Variants in TRPM3 observed in about 807,000 individuals in gnomAD.
TRPM3 encodes long transient receptor potential channel 3.
TRPM3 carries 77 observed loss-of-function variants against 181.2 expected under a neutral mutation model. The ratio of observed to expected loss-of-function variants is 0.42; its 90% CI spans 0.35 to 0.51. TRPM3 has a LOEUF of 0.51. Ranked by LOEUF, TRPM3 falls within the 20% of genes least tolerant of loss-of-function variation. The pLI, the probability that TRPM3 is intolerant of heterozygous loss-of-function variation, is 0.01. For synonymous variants in TRPM3, 745 were observed against 796.4 expected (o/e 0.94, Z 1.09); for missense variants, 1,759 against 2,196.7 (o/e 0.80, Z 3.98).
chr9:71,290,744 C>T (rs1565428764), intron 1 of TRPM3, among the ~76,000 whole-genome samples: 1 of 152,070 alleles, frequency 6.6e-6, no homozygotes. Flanking sequence ...GAAAGTAATT[C>T]ACGTCAAATC....
intron 1 of TRPM3, among the ~76,000 whole-genome samples, chr9:70,965,927 A>G (rs1381839025): frequency 2.0e-5 from 3 of 152,004 alleles, no homozygotes; most frequent in Non-Finnish European, 4.4e-5. Flanking sequence ...TATACGGTAA[A>G]CAAAACTATC....
At chr9:70,831,985 A>ATATATATTTATATATATATATATATT (rs1564497569) in intron 5 of TRPM3, among the ~76,000 whole-genome samples, 3 of 128,656 alleles carry the variant, frequency 2.3e-5, no homozygotes, top group Non-Finnish European at 3.3e-5. Context: ...ATATATATAT[A>ATATATATTTATATATATATATATATT]TATATATATA....
chr9:71,192,420 T>C (rs1397149225), intron 1 of TRPM3, among the ~76,000 whole-genome samples: 1 of 151,880 alleles, frequency 6.6e-6, no homozygotes, highest in Admixed American at 6.6e-5. Context: ...GAGAATTGTA[T>C]GTTATCTTTT....
Position 71,040,671 on chromosome 9 carries a change from A to G in TRPM3, c.177+80507T>C, listed in dbSNP as rs538000990. 1.3e-4 allele frequency among the ~76,000 whole-genome samples: 20 copies of G among 152,330 alleles called. No individual in the cohort carries two copies. The South Asian group carries it at 3.7e-3, about 28-fold the overall frequency. On this transcript the variant is annotated intron_variant, in intron 1 of 25. Transcript: ENST00000677713. ...TTTACATCATTGCAAAATAAAGCAG[A>G]GAAGAACAGAAGACAAATCTAGCAA... is the stretch of plus-strand genomic sequence containing the variant.
chr9:71,202,638 T>G (rs2078879900), intron 1 of TRPM3, among the ~76,000 whole-genome samples: 1 of 152,176 alleles, frequency 6.6e-6, no homozygotes, highest in Admixed American at 6.5e-5. Context: ...ACTCGGACAG[T>G]GCAGGGTGGT....
intron 1 of TRPM3, among the ~76,000 whole-genome samples, chr9:71,253,725 C>A (rs1261246587): frequency 1.3e-5 from 2 of 152,046 alleles, no homozygotes; most frequent in Non-Finnish European, 2.9e-5. Context: ...GAAATGAAAT[C>A]AGTATGTCAA....
At chr9:70,539,299 T>C (rs1005506153) in intron 25 of TRPM3, among the ~76,000 whole-genome samples, 1 of 152,040 alleles carries the variant, frequency 6.6e-6, no homozygotes, top group Admixed American at 6.6e-5. Context: ...GGGAGACCTA[T>C]AGACTTCTTA....
rs1178990853 is a variant in TRPM3, at chr9:70,820,172, G to C, written c.973+7675C>G. Among the ~76,000 whole-genome samples the C allele has an allele frequency of 6.6e-5, 10 of 152,100 alleles. No individual in the cohort carries two copies. The East Asian group carries it at 1.5e-3, about 23-fold the overall frequency. ...TTATTCTCTGTTTACTGAGGCAGGAGGGACAACTACAGTTTAGAATATATT... is the reference window on the plus strand; with the variant it reads ...TTATTCTCTGTTTACTGAGGCAGGACGGACAACTACAGTTTAGAATATATT... On this transcript the variant is annotated intron_variant, in intron 6 of 25. Coordinates refer to ENST00000677713, the MANE Select transcript of TRPM3 (RefSeq NM_001366145.2).
intron 1 of TRPM3, among the ~76,000 whole-genome samples, chr9:70,883,931 A>G (rs968088288): frequency 2.6e-5 from 4 of 152,222 alleles, no homozygotes; most frequent in African/African-American, 4.8e-5. Flanking sequence ...AGACAAGTAC[A>G]GAGGCTGAAA....
At chr9:70,962,886 C>T (rs560258948) in intron 1 of TRPM3, among the ~76,000 whole-genome samples, 3 of 152,146 alleles carry the variant, frequency 2.0e-5, no homozygotes, top group South Asian at 2.1e-4. Flanking sequence ...GAGTGCTCAG[C>T]GGAATGTCTG....
intron 1 of TRPM3, among the ~76,000 whole-genome samples, chr9:71,238,140 T>C (rs932007692): frequency 3.9e-5 from 6 of 152,190 alleles, no homozygotes; most frequent in Non-Finnish European, 8.8e-5. Context: ...AAAAGTAGTT[T>C]TTTTTCTATG....
chr9:71,378,413 T>A (rs112026567), intron 1 of TRPM3, among the ~76,000 whole-genome samples: 1 of 152,108 alleles, frequency 6.6e-6, no homozygotes, highest in South Asian at 2.1e-4. Context: ...AAAATGTTCA[T>A]TGCAGCTTCA....
intron 7 of TRPM3, among the ~76,000 whole-genome samples, chr9:70,776,761 C>A (rs1173874265): frequency 6.6e-6 from 1 of 152,158 alleles, no homozygotes; most frequent in African/African-American, 2.4e-5. Context: ...GCAGAAGGTA[C>A]AGAGGGCTTG....
chr9:71,418,898 ATGTG>A (rs200431732), intron 1 of TRPM3, among the ~76,000 whole-genome samples: 2 of 117,424 alleles, frequency 1.7e-5, no homozygotes, highest in Non-Finnish European at 4.0e-5. Context: ...ACACATATAT[ATGTG>A]TGTGTGTATA....
intron 1 of TRPM3, among the ~76,000 whole-genome samples, chr9:71,347,123 A>G (rs1302467728): frequency 2.0e-5 from 3 of 152,150 alleles, no homozygotes; most frequent in Admixed American, 2.0e-4. Context: ...TTTTGTTCCA[A>G]TATCATGTTT....
At chr9:71,176,910 T>C (rs189857372) in intron 1 of TRPM3, among the ~76,000 whole-genome samples, 1 of 152,146 alleles carries the variant, frequency 6.6e-6, no homozygotes, top group Non-Finnish European at 1.5e-5. Flanking sequence ...AGACCAAGGA[T>C]CCCCAACCCC....
chr9:71,445,509 C>T (rs1422203851), intron 1 of TRPM3, among the ~76,000 whole-genome samples: 2 of 152,118 alleles, frequency 1.3e-5, no homozygotes, highest in Non-Finnish European at 2.9e-5. Context: ...GAGAAAAATA[C>T]CTGAAATTTC....
chr9:71,109,540 T>G (rs1053268148), intron 1 of TRPM3, among the ~76,000 whole-genome samples: 2 of 152,200 alleles, frequency 1.3e-5, no homozygotes, highest in African/African-American at 2.4e-5. Flanking sequence ...AAAACAGTAT[T>G]TTTATTATTT....
chr9:70,610,640 T>C lies in TRPM3; in HGVS notation c.2636A>G (p.Asn879Ser), dbSNP rs745959731. The C allele has an allele frequency of 1.2e-6, 2 of 1,613,984 alleles. No individual in the cohort carries two copies. The highest frequency in any genetic ancestry group is 1.7e-6 in the Non-Finnish European group (2 of 1,179,946). Residue 879 changes from asparagine (N) to serine (S), a missense_variant, in exon 19 of 26, where the codon AAT (asparagine) becomes AGT (serine). Physicochemically the swap from Asn to Ser is conservative, Grantham distance 46. Around this residue, in one of 8 missense-constraint regions of TRPM3, gnomAD observed 114 missense variants for 134.8 expected, o/e 0.85. Coordinates refer to ENST00000677713, the MANE Select transcript of TRPM3 (RefSeq NM_001366145.2). ...GAACCAGAACTTCACGATGGGTGCA[T>C]TGTAGAATTCATAGATTTTTCTGCC... The part of the protein sequence containing the change: ...PLGRKIYEFY[N>S]APIVKFWFYT...
Sources: gnomAD v4.1 joint callset for allele counts (sites outside exome capture counted in the v4.1 genomes callset) on GRCh38, gnomAD v4.1.1 for gene constraint, gnomAD v4.1.1 regional missense constraint, MANE v1.5 for transcripts, NCBI Gene and HGNC (gene_info 2026-07-23, HGNC 2026-07-21) for gene names.